The following CREM variants were observed in gnomAD, a reference collection of about 807,000 sequenced individuals.
CREM encodes cAMP-responsive element modulator.
CREM carries 13 observed loss-of-function variants against 37.3 expected under a neutral mutation model. The ratio of observed to expected loss-of-function variants is 0.35; its 90% CI spans 0.23 to 0.55. The LOEUF (loss-of-function observed/expected upper bound fraction) is 0.55, where lower values mean the gene tolerates loss of function less well. Among genes scored for constraint, CREM ranks in the 20% least tolerant of loss-of-function variants. The probability of loss-of-function intolerance (pLI) is 0.88; values close to 1 mark genes in which losing one functional copy is unlikely to be tolerated. For synonymous variants in CREM, 124 were observed against 120.2 expected (o/e 1.03, Z -0.21); for missense variants, 296 against 362.3 (o/e 0.82, Z 1.49).
intron 5 of CREM, among the ~76,000 whole-genome samples, chr10:35,187,131 AATATATTAATATATAAT>A (rs1554927974): frequency 1.2e-5 from 1 of 83,742 alleles, no homozygotes; most frequent in African/African-American, 5.3e-5. Context: ...TAAATATATT[AATATATTAATATATAAT>A]ATATATAATA....
At chr10:35,139,107 T>A (rs2091063682) in intron 2 of CREM, among the ~76,000 whole-genome samples, 1 of 150,004 alleles carries the variant, frequency 6.7e-6, no homozygotes, top group Non-Finnish European at 1.5e-5. Flanking sequence ...TTTGTAAATT[T>A]AAATATCTCC....
chr10:35,193,724 G>A (rs1375557305), intron 6 of CREM, among the ~76,000 whole-genome samples: 1 of 152,134 alleles, frequency 6.6e-6, no homozygotes. Flanking sequence ...TACCTTTACT[G>A]GAAGATGATT....
intron 1 of CREM, chr10:35,127,508 TGA>T (rs2088085798): frequency 6.6e-6 from 1 of 152,398 alleles, no homozygotes; most frequent in African/African-American, 2.4e-5. Context: ...AAATCCTCCC[TGA>T]GAGAGCCGTG....
intron 1 of CREM, 84 bp downstream of exon 1, chr10:35,127,277 C>G (rs2087963271): frequency 6.5e-6 from 1 of 153,518 alleles, no homozygotes; most frequent in Middle Eastern, 3.4e-3. Flanking sequence ...GGAGGCGGAG[C>G]GGAGCCGGGT....
chr10:35,128,548 CGG>C (rs1158678154), intron 1 of CREM, among the ~76,000 whole-genome samples: 1 of 133,776 alleles, frequency 7.5e-6, no homozygotes, highest in Non-Finnish European at 1.5e-5. Flanking sequence ...TTTTTTGAGA[CGG>C]GGTCTCGCTC....
chr10:35,175,339 A>G (rs1055578626), intron 3 of CREM, among the ~76,000 whole-genome samples: 30 of 152,212 alleles, frequency 2.0e-4, no homozygotes, highest in African/African-American at 7.0e-4. Flanking sequence ...CCAGCTACTC[A>G]GGAGGCTGAG....
At chr10:35,164,092 CTAGAT>C (rs766344117) in intron 3 of CREM, among the ~76,000 whole-genome samples, 28 of 151,670 alleles carry the variant, frequency 1.8e-4, no homozygotes, top group Non-Finnish European at 2.4e-4. Context: ...TATTTTAATA[CTAGAT>C]TAAAGTTGAT....
intron 3 of CREM, chr10:35,175,546 C>T (rs1445697581): frequency 1.4e-5 from 11 of 794,830 alleles, no homozygotes; most frequent in East Asian, 1.0e-4. Flanking sequence ...TGTTAGTAGG[C>T]GTGAGGTCGT....
chr10:35,197,915 A>G (rs979032020), intron 6 of CREM, among the ~76,000 whole-genome samples: 2 of 152,312 alleles, frequency 1.3e-5, no homozygotes, highest in African/African-American at 4.8e-5. Flanking sequence ...GTGGCTTGCA[A>G]ACTTTTCAAC....
chr10:35,158,844 TTAGAA>T (rs1264246963), intron 3 of CREM, among the ~76,000 whole-genome samples: 1 of 146,446 alleles, frequency 6.8e-6, no homozygotes, highest in Non-Finnish European at 1.5e-5. Context: ...TTTTACAGAC[TTAGAA>T]CTTATCTAAA....
chr10:35,135,372 G>C (rs1261130238), intron 1 of CREM: 2 of 151,904 alleles, frequency 1.3e-5, no homozygotes, highest in Non-Finnish European at 2.9e-5. Flanking sequence ...TAGTATATAA[G>C]TGTTTTAATT....
intron 5 of CREM, among the ~76,000 whole-genome samples, chr10:35,187,406 C>T (rs1217856447): frequency 6.7e-6 from 1 of 149,036 alleles, no homozygotes; most frequent in East Asian, 2.0e-4. Context: ...ACTACAGACA[C>T]CTGCCACCAC....
At position 35,201,376 on chromosome 10, in the gene CREM, T is replaced by C. The variant is rs942826432; in HGVS notation, c.599-5519T>C. 3.3e-6 allele frequency: 5 copies of C among 1,506,698 alleles called. No individual in the cohort carries two copies. The Admixed American group carries it at 5.9e-5, about 18-fold the overall frequency. The allele number at this position is 1,506,698 out of a possible 1,614,324, so 93.3% of individuals were successfully genotyped here. A position where few individuals can be genotyped will look rare whatever the true frequency, so the allele number is the denominator to read the frequency against. On this transcript the variant is annotated intron_variant, in intron 6 of 7. Coordinates refer to ENST00000685392, the MANE Select transcript of CREM (RefSeq NM_183011.2). ...GGAGTGCCTGCCATGTGCCAGGCAC[T>C]GTGCTAGACACTTTGACATACATTG...
intron 3 of CREM, among the ~76,000 whole-genome samples, chr10:35,156,455 G>T (rs2092921553): frequency 6.6e-6 from 1 of 152,016 alleles, no homozygotes; most frequent in Non-Finnish European, 1.5e-5. Context: ...TCACTGTCTT[G>T]TTCAGGCTGG....
chr10:35,136,634 A>G (rs2090564733), intron 1 of CREM, among the ~76,000 whole-genome samples: 1 of 152,142 alleles, frequency 6.6e-6, no homozygotes, highest in Non-Finnish European at 1.5e-5. Flanking sequence ...AAATTTGACC[A>G]GGATTATATG....
chr10:35,145,017 C>T (rs961070078), intron 2 of CREM, among the ~76,000 whole-genome samples: 4 of 151,660 alleles, frequency 2.6e-5, no homozygotes, highest in Admixed American at 6.6e-5. Context: ...AAAAATTAGC[C>T]GGGTGTGGTG....
chr10:35,144,300 G>A (rs1174830190), intron 2 of CREM, among the ~76,000 whole-genome samples: 1 of 152,114 alleles, frequency 6.6e-6, no homozygotes, highest in African/African-American at 2.4e-5. Flanking sequence ...GCTTTGTGGG[G>A]TTGCTTTTTG....
At chr10:35,139,525 C>T (rs999100820) in intron 2 of CREM, among the ~76,000 whole-genome samples, 6 of 152,104 alleles carry the variant, frequency 3.9e-5, no homozygotes, top group South Asian at 2.1e-4. Flanking sequence ...TGTTTGTTTT[C>T]GTTTTTATTG....
intron 6 of CREM, among the ~76,000 whole-genome samples, chr10:35,189,949 G>A (rs977117648): frequency 2.0e-5 from 3 of 152,078 alleles, no homozygotes; most frequent in African/African-American, 7.2e-5. Flanking sequence ...AAGAACTGAG[G>A]TGGTGGCATT....
Sources: gnomAD v4.1 joint callset for allele counts (sites outside exome capture counted in the v4.1 genomes callset) on GRCh38, gnomAD v4.1.1 for gene constraint, MANE v1.5 for transcripts, NCBI Gene and HGNC (gene_info 2026-07-23, HGNC 2026-07-21) for gene names.